Variants in C1orf167 observed in about 807,000 individuals in gnomAD.
C1orf167 encodes the protein uncharacterized protein C1orf167.
A neutral mutation model predicts 176.5 loss-of-function variants in C1orf167; 153 were observed. That is an observed-to-expected ratio of 0.87 (90% CI 0.76 to 0.99). C1orf167 has a LOEUF of 0.99. Ranked by LOEUF, C1orf167 falls within the 50% of genes least tolerant of loss-of-function variation. The probability of loss-of-function intolerance (pLI) is 0.00; values close to 1 mark genes in which losing one functional copy is unlikely to be tolerated. For missense variants in C1orf167, 1,490 were observed against 1,817.7 expected (o/e 0.82, Z 3.28); for synonymous variants, 594 against 752.7 (o/e 0.79, Z 3.45).
At position 11,766,128 on chromosome 1, in the gene C1orf167, G is replaced by C. The variant is rs531338063; in HGVS notation, c.342G>C (p.Lys114Asn). Residue 114 changes from lysine to asparagine, a missense_variant, in exon 3 of 21, where the codon AAG becomes AAC. Lys to Asn is a moderately conservative substitution (Grantham distance 94, BLOSUM62 0). Coordinates refer to ENST00000688073, the MANE Select transcript of C1orf167 (RefSeq NM_001010881.2). This position sits in a 1 kb window ranked among gnomAD's most constrained non-coding sequence, Gnocchi z 4.5. Reference sequence around the variant, plus strand: ...CCCTGGCCAGGAGGCGCCAAGGGAAGGCCCGAGAGTTTGCCATCCAGCAGA... The same window carrying C: ...CCCTGGCCAGGAGGCGCCAAGGGAACGCCCGAGAGTTTGCCATCCAGCAGA... ...LQSLARRRQG[K>N]AREFAIQQSN... The C allele has an allele frequency of 1.1e-5, 14 of 1,289,834 alleles. No individual in the cohort carries two copies. The East Asian group carries it at 7.2e-4, about 67-fold the overall frequency. The allele number at this position is 1,289,834 out of a possible 1,614,324, so 79.9% of individuals were successfully genotyped here. A position where few individuals can be genotyped will look rare whatever the true frequency, so the allele number is the denominator to read the frequency against.
At position 11,773,589 on chromosome 1, in the gene C1orf167, T is replaced by C. The variant is rs547420101; in HGVS notation, c.1988+1330T>C. ...CGAGTATGATGGTGAACACCTGTAA[T>C]CCCAGCTACTCGGGAAGCTGAGGCA... On this transcript the variant is annotated intron_variant, in intron 8 of 20. Coordinates refer to ENST00000688073, the MANE Select transcript of C1orf167 (RefSeq NM_001010881.2). Among the ~76,000 whole-genome samples the C allele has an allele frequency of 9.9e-4, 151 of 152,106 alleles. 2 individuals are homozygous for C. The highest frequency in any genetic ancestry group is 8.8e-4 in the Non-Finnish European group (60 of 68,000).
chr1:11,763,237 C>T (rs911290422), intron 1 of C1orf167, among the ~76,000 whole-genome samples: 10 of 152,132 alleles, frequency 6.6e-5, no homozygotes, highest in African/African-American at 2.4e-4. Context: ...GTCAGGAGTT[C>T]GAGACCATCC....
intron 1 of C1orf167, among the ~76,000 whole-genome samples, chr1:11,763,442 C>T (rs1319216673): frequency 9.3e-6 from 1 of 107,814 alleles, no homozygotes; most frequent in Non-Finnish European, 1.9e-5. Context: ...GACTCCGGCT[C>T]AAAAAAAAAA....
rs1444336154 is a variant in C1orf167 at position 11,785,238 on chromosome 1, C to T, written c.3516C>T (p.Phe1172=). ...TCCGGCCGGCTGAGCTCAGGCGCTT[C>T]CTGCGGACAGTGCAGCTCAGGGTGC... is the stretch of plus-strand genomic sequence containing the variant. The part of the protein sequence containing the change: ...TQLRPAELRR[F]LRTVQLRVRL... The change falls in exon 16 of 21, where the codon TTC becomes TTT. Residue 1172 remains phenylalanine (F), a synonymous_variant. Coordinates refer to ENST00000688073, the MANE Select transcript of C1orf167 (RefSeq NM_001010881.2). 2 of 1,291,400 alleles carry T rather than the reference C, an allele frequency of 1.5e-6. No individual in the cohort carries two copies. Among genetic ancestry groups the T allele is most frequent in the Non-Finnish European group, 2.0e-6 (2 of 988,814 alleles). 80.0% of individuals were successfully genotyped at this position (1,291,400 alleles called of 1,614,324 possible). A position where few individuals can be genotyped will look rare whatever the true frequency, so the allele number is the denominator to read the frequency against.
chr1:11,780,449 C>T (rs1643543446), intron 13 of C1orf167, among the ~76,000 whole-genome samples: 1 of 152,126 alleles, frequency 6.6e-6, no homozygotes, highest in African/African-American at 2.4e-5. Context: ...GTGATGAGAC[C>T]CCCACAGGGC....
intron 16 of C1orf167, chr1:11,786,845 G>T (rs987069756): frequency 3.3e-5 from 5 of 152,182 alleles, no homozygotes; most frequent in African/African-American, 4.8e-5. Flanking sequence ...GGAGTCTCAG[G>T]GTCTTTTCTT....
intron 6 of C1orf167, 43 bp from the exon 7 acceptor site, chr1:11,771,481 C>A: frequency 8.0e-7 from 1 of 1,243,330 alleles, no homozygotes. Flanking sequence ...GAGTGCCCTT[C>A]CTCCCGGGTC....
rs148155632 is a variant in C1orf167 at position 11,780,108 on chromosome 1, C to T, written c.2860+98C>T. 2.3e-5 allele frequency: 22 copies of T among 936,770 alleles called. 1 individual carries two copies. The highest frequency in any genetic ancestry group is 1.0e-4 in the African/African-American group (6 of 57,596). 58.0% of individuals were successfully genotyped at this position (936,770 alleles called of 1,614,324 possible). ...CCCTGGCCAACAACTTGACTGTAAC[C>T]GCATGGGAGAACTTGAGGCAGAGGC... On this transcript the variant is annotated intron_variant, in intron 13 of 20. Transcript: ENST00000688073.
chr1:11,789,146 C>A, intron 20 of C1orf167, 124 bp from the exon 21 acceptor site: 1 of 965,522 alleles, frequency 1.0e-6, no homozygotes, highest in Non-Finnish European at 1.4e-6. Context: ...TGGCTGGCTG[C>A]TTGGGGCAGA....
rs929880376 is a variant in C1orf167, at chr1:11,779,965, C to T, written c.2815C>T (p.Arg939Trp). 63 of 1,296,744 alleles carry T rather than the reference C, an allele frequency of 4.9e-5. No homozygotes were observed. Among genetic ancestry groups the T allele is most frequent in the African/African-American group, 6.1e-5 (4 of 65,664 alleles). The allele number at this position is 1,296,744 out of a possible 1,614,324, so 80.3% of individuals were successfully genotyped here. A position where few individuals can be genotyped will look rare whatever the true frequency, so the allele number is the denominator to read the frequency against. The stretch of plus-strand genomic sequence containing the variant: ...GTGGTGGGCCCAGGAGCGGGGCTGG[C>T]GGCTGGCACGAGATGCCCTATGCCA... ...VEWWAQERGW[R>W]LARDALCHWH... The change falls in exon 13 of 21, where the codon CGG becomes TGG. Residue 939 changes from arginine (R) to tryptophan (W), a missense_variant. Transcript: ENST00000688073.
chr1:11,785,047 G>A, intron 15 of C1orf167, 101 bp from the exon 16 acceptor site: 2 of 1,063,278 alleles, frequency 1.9e-6, no homozygotes, highest in South Asian at 1.7e-5. Flanking sequence ...CCAGCCTGGG[G>A]CTGGGCCCGG....
intron 13 of C1orf167, 138 bp from the exon 14 acceptor site, chr1:11,782,051 G>C: frequency 2.9e-6 from 2 of 692,558 alleles, no homozygotes; most frequent in Non-Finnish European, 3.8e-6. Flanking sequence ...ACCCATAATA[G>C]AGGCTTTTTA....
chr1:11,787,590 ACGGT>A (rs747851112), intron 17 of C1orf167, 97 bp downstream of exon 17: 2 of 912,682 alleles, frequency 2.2e-6, no homozygotes, highest in Non-Finnish European at 2.9e-6. Flanking sequence ...TCCTTGGGAC[ACGGT>A]CTTATGTGTA....
Position 11,768,840 on chromosome 1 carries a change from C to T in C1orf167, c.1543-133C>T, listed in dbSNP as rs922602051. 1 of 516,540 alleles carries T rather than the reference C, an allele frequency of 1.9e-6. No individual in the cohort carries two copies. Among genetic ancestry groups the T allele is most frequent in the Non-Finnish European group, 2.5e-6 (1 of 401,424 alleles). The allele number at this position is 516,540 out of a possible 1,614,324, so 32.0% of individuals were successfully genotyped here. A position where few individuals can be genotyped will look rare whatever the true frequency, so the allele number is the denominator to read the frequency against. On this transcript the variant is annotated intron_variant, in intron 5 of 20. Coordinates refer to ENST00000688073, the MANE Select transcript of C1orf167 (RefSeq NM_001010881.2). This position sits in a 1 kb window ranked among gnomAD's most constrained non-coding sequence, Gnocchi z 4.5. ...CATTCCCAAAGAAGGAATGAATAGG[C>T]AGAGTAATGGTTAAGACCACAGGCT...
intron 8 of C1orf167, among the ~76,000 whole-genome samples, 174 bp downstream of exon 8, chr1:11,772,433 T>G (rs903137713): frequency 9.0e-4 from 16 of 17,858 alleles, no homozygotes; most frequent in Non-Finnish European, 2.3e-3. Context: ...CACAGCTAAT[T>G]TTTTTGTATT....
At chr1:11,776,388 G>A in intron 9 of C1orf167, 76 bp from the exon 10 acceptor site, 1 of 1,218,488 alleles carries the variant, frequency 8.2e-7, no homozygotes, top group Non-Finnish European at 1.1e-6. Flanking sequence ...GGGGCCTGAG[G>A]CAGCAGCTAT....
Position 11,784,463 on chromosome 1 carries a change from C to A in C1orf167, c.3295C>A (p.Gln1099Lys). Reference sequence around the variant, plus strand: ...GGCCCCGGGCATGCACCATGAGGCCCAGCAGCAGGCAGGAGAGAGCGCTGG... The same window carrying A: ...GGCCCCGGGCATGCACCATGAGGCCAAGCAGCAGGCAGGAGAGAGCGCTGG... Reference protein sequence around the residue: ...PVAPGMHHEAQQQAGESAGAQ... With the variant: ...PVAPGMHHEAKQQAGESAGAQ... Residue 1099 changes from glutamine to lysine, a missense_variant, in exon 15 of 21, where the codon CAG (glutamine) becomes AAG (lysine). Coordinates refer to ENST00000688073, the MANE Select transcript of C1orf167 (RefSeq NM_001010881.2). The A allele has an allele frequency of 1.5e-6, 2 of 1,303,474 alleles. No individual in the cohort carries two copies. Among genetic ancestry groups the A allele is most frequent in the Non-Finnish European group, 2.0e-6 (2 of 988,950 alleles). The allele number at this position is 1,303,474 out of a possible 1,614,324, so 80.7% of individuals were successfully genotyped here. A position where few individuals can be genotyped will look rare whatever the true frequency, so the allele number is the denominator to read the frequency against.
Sources: allele counts gnomAD v4.1 joint callset (sites outside exome capture counted in the v4.1 genomes callset), GRCh38; gene constraint gnomAD v4.1.1; non-coding constraint Gnocchi (gnomAD v3.1); transcripts MANE v1.5; gene names NCBI Gene and HGNC (gene_info 2026-07-23, HGNC 2026-07-21).